FRMPD4: variants seen among roughly 807,000 people sequenced by gnomAD.
The protein encoded by FRMPD4 is FERM and PDZ domain-containing protein 4.
FRMPD4 carries 22 observed loss-of-function variants against 94.1 expected under a neutral mutation model. That is an observed-to-expected ratio of 0.23 (90% CI 0.17 to 0.33). FRMPD4 has a LOEUF of 0.33. Ranked by LOEUF, FRMPD4 falls within the 10% of genes least tolerant of loss-of-function variation. The pLI, the probability that FRMPD4 is intolerant of heterozygous loss-of-function variation, is 1.00. For synonymous variants in FRMPD4, 631 were observed against 548.6 expected (o/e 1.15, Z -2.10); for missense variants, 1,111 against 1,339.9 (o/e 0.83, Z 2.67).
At chrX:12,211,262 A>C (rs768246840) in intron 1 of FRMPD4, among the ~76,000 whole-genome samples, 12 of 112,184 alleles carry the variant, frequency 1.1e-4, no homozygotes, top group Non-Finnish European at 1.5e-4. Flanking sequence ...GTGGTATGTA[A>C]GGTTGGGCAA....
At chrX:12,224,888 C>T (rs150638331) in intron 1 of FRMPD4, among the ~76,000 whole-genome samples, 4,078 of 111,285 alleles carry the variant, frequency 0.037, 68 homozygotes, top group Non-Finnish European at 0.058. Context: ...TATGTATCAC[C>T]TCTTAGTTTT....
rs1477484505 is a variant in FRMPD4 at position 12,235,069 on chromosome X, C to A, written c.41+96057C>A. Among the ~76,000 whole-genome samples, 3 of 112,020 alleles carry A rather than the reference C, an allele frequency of 2.7e-5. No homozygotes were observed. The Admixed American group carries it at 2.8e-4, about 11-fold the overall frequency. ...CAGGCTTATTAACACACAGGATGGGCTTTCAATGGATTCTTTTAATGTGTT... is the reference window on the plus strand; with the variant it reads ...CAGGCTTATTAACACACAGGATGGGATTTCAATGGATTCTTTTAATGTGTT... On this transcript the variant is annotated intron_variant, in intron 1 of 16. Transcript: ENST00000675598.
At chrX:12,277,053 G>T (rs1174019305) in intron 1 of FRMPD4, among the ~76,000 whole-genome samples, 4 of 101,853 alleles carry the variant, frequency 3.9e-5, no homozygotes, top group African/African-American at 1.4e-4. Context: ...CCCGGGAGGC[G>T]GAGCTTGCAG....
At chrX:11,934,801 T>G (rs1362236625) in intron 3 of FRMPD4, among the ~76,000 whole-genome samples, 1 of 112,070 alleles carries the variant, frequency 8.9e-6, no homozygotes, top group Non-Finnish European at 1.9e-5. Context: ...ATTTATAGAT[T>G]GAATGATGAA....
intron 1 of FRMPD4, among the ~76,000 whole-genome samples, chrX:11,850,606 T>A (rs1264519518): frequency 8.9e-6 from 1 of 112,425 alleles, no homozygotes; most frequent in African/African-American, 3.2e-5. Flanking sequence ...ATACAGTGGA[T>A]TATTATTCAG....
At chrX:12,294,504 A>AGG (rs2054741728) in intron 1 of FRMPD4, among the ~76,000 whole-genome samples, 2 of 110,739 alleles carry the variant, frequency 1.8e-5, no homozygotes, top group Admixed American at 1.9e-4. Flanking sequence ...AGAGAGAGAG[A>AGG]GTTTTATAAT....
chrX:12,449,069 G>C (rs780462450), intron 1 of FRMPD4, among the ~76,000 whole-genome samples: 2 of 112,112 alleles, frequency 1.8e-5, no homozygotes, highest in African/African-American at 6.5e-5. Context: ...AGAAATCCAT[G>C]AGTGTCCCAT....
intron 3 of FRMPD4, among the ~76,000 whole-genome samples, chrX:12,123,123 C>CTTTTTTTTTT (rs58251577): frequency 5.9e-5 from 5 of 84,314 alleles, no homozygotes; most frequent in East Asian, 3.9e-4. Flanking sequence ...ATTTTCTTTT[C>CTTTTTTTTTT]TTTTTTTTTT....
At chrX:11,872,746 C>T (rs182127188) in intron 2 of FRMPD4, among the ~76,000 whole-genome samples, 2 of 111,992 alleles carry the variant, frequency 1.8e-5, no homozygotes, top group East Asian at 5.6e-4. Flanking sequence ...CTGTATCAGC[C>T]GTATAAGAAG....
chrX:12,655,961 G>A (rs1328717063), intron 4 of FRMPD4, among the ~76,000 whole-genome samples: 2 of 111,941 alleles, frequency 1.8e-5, no homozygotes, highest in Non-Finnish European at 3.8e-5. Context: ...AGTATCCCTC[G>A]CTCAACTGAC....
At chrX:11,847,803 G>C (rs1468155419) in intron 1 of FRMPD4, among the ~76,000 whole-genome samples, 2 of 97,869 alleles carry the variant, frequency 2.0e-5, no homozygotes, top group Non-Finnish European at 4.0e-5. Context: ...AACACCGCAT[G>C]TTCTCACTCA....
At chrX:11,942,776 G>A (rs1934479170) in intron 3 of FRMPD4, among the ~76,000 whole-genome samples, 1 of 111,475 alleles carries the variant, frequency 9.0e-6, no homozygotes, top group Non-Finnish European at 1.9e-5. Flanking sequence ...GTGCAATGTT[G>A]TGCGACTGTC....
chrX:12,684,911 C>G (rs944134567), intron 6 of FRMPD4, among the ~76,000 whole-genome samples: 2 of 111,713 alleles, frequency 1.8e-5, no homozygotes, highest in African/African-American at 6.5e-5. Context: ...ACAGCCCTGC[C>G]ACAGGCTTGT....
At chrX:12,478,153 A>C in intron 1 of FRMPD4, among the ~76,000 whole-genome samples, 1 of 112,252 alleles carries the variant, frequency 8.9e-6, no homozygotes, top group Admixed American at 9.4e-5. Flanking sequence ...AGTGATGTAT[A>C]TGGCATGTGC....
chrX:11,826,334 T>TA (rs1465652813), intron 1 of FRMPD4, among the ~76,000 whole-genome samples: 1 of 111,582 alleles, frequency 9.0e-6, no homozygotes, highest in African/African-American at 3.3e-5. Context: ...GTCTTGCTGA[T>TA]ATGCCTAAGA....
chrX:12,281,813 G>A (rs2054530764), intron 1 of FRMPD4, among the ~76,000 whole-genome samples: 3 of 111,855 alleles, frequency 2.7e-5, no homozygotes, highest in African/African-American at 9.8e-5. Flanking sequence ...GGGTAAGGTA[G>A]ATATTGATGT....
intron 1 of FRMPD4, among the ~76,000 whole-genome samples, chrX:11,845,237 T>C (rs926581432): frequency 1.8e-5 from 2 of 112,012 alleles, no homozygotes; most frequent in African/African-American, 3.2e-5. Flanking sequence ...CCCTCTTTCA[T>C]TCTTTCAAAC....
chrX:12,012,178 C>T (rs909380338), intron 3 of FRMPD4, among the ~76,000 whole-genome samples: 7 of 111,617 alleles, frequency 6.3e-5, no homozygotes, highest in Non-Finnish European at 9.4e-5. Flanking sequence ...GGATTACAAG[C>T]GTGAGCCACT....
At chrX:12,608,386 A>G (rs2059150509) in intron 2 of FRMPD4, among the ~76,000 whole-genome samples, 1 of 113,084 alleles carries the variant, frequency 8.8e-6, no homozygotes, top group African/African-American at 3.2e-5. Context: ...TTGTGGAAGT[A>G]TTTTGAAAAT....
Sources: allele counts gnomAD v4.1 joint callset (sites outside exome capture counted in the v4.1 genomes callset), GRCh38; gene constraint gnomAD v4.1.1; transcripts MANE v1.5; gene names NCBI Gene and HGNC (gene_info 2026-07-23, HGNC 2026-07-21).